MAML2: variants seen among roughly 807,000 people sequenced by gnomAD.
The protein encoded by MAML2 is mastermind like transcriptional coactivator 2.
MAML2 carries 22 observed loss-of-function variants against 96.1 expected under a neutral mutation model. The ratio of observed to expected loss-of-function variants is 0.23; its 90% CI spans 0.16 to 0.33. The LOEUF (loss-of-function observed/expected upper bound fraction) is 0.33. Ranked by LOEUF, MAML2 falls within the 10% of genes least tolerant of loss-of-function variation. The pLI is 1.00. For missense variants in MAML2, 1,367 were observed against 1,392.4 expected (o/e 0.98, Z 0.29); for synonymous variants, 561 against 521.3 (o/e 1.08, Z -1.04).
At chr11:96,014,591 T>C (rs1858314649) in intron 2 of MAML2, among the ~76,000 whole-genome samples, 1 of 152,218 alleles carries the variant, frequency 6.6e-6, no homozygotes, top group Admixed American at 6.5e-5. Context: ...CAATTCAACT[T>C]GTAGTAAAAA....
At chr11:96,315,692 A>T (rs1863621797) in intron 1 of MAML2, among the ~76,000 whole-genome samples, 1 of 152,188 alleles carries the variant, frequency 6.6e-6, no homozygotes, top group Non-Finnish European at 1.5e-5. Context: ...TGGTACCCAG[A>T]AGGCCCAACA....
At chr11:96,295,548 C>T (rs1011879765) in intron 1 of MAML2, among the ~76,000 whole-genome samples, 2 of 152,148 alleles carry the variant, frequency 1.3e-5, no homozygotes, top group African/African-American at 2.4e-5. Flanking sequence ...CCAAGACCCT[C>T]AGAAGGCTAT....
At chr11:96,035,056 G>C (rs1462672079) in intron 2 of MAML2, among the ~76,000 whole-genome samples, 1 of 152,164 alleles carries the variant, frequency 6.6e-6, no homozygotes, top group Non-Finnish European at 1.5e-5. Flanking sequence ...ATAATTACTG[G>C]GTAATATGGG....
At chr11:96,243,940 C>G (rs1377049205) in intron 1 of MAML2, among the ~76,000 whole-genome samples, 1 of 152,142 alleles carries the variant, frequency 6.6e-6, no homozygotes, top group Non-Finnish European at 1.5e-5. Flanking sequence ...CGCGCCCGGC[C>G]CAGTCATCCT....
chr11:96,092,750 C>T lies in MAML2; in HGVS notation c.1281G>A (p.Trp427Ter), dbSNP rs778085857. The change falls in exon 2 of 5, where the codon TGG becomes TGA. Residue 427 changes from tryptophan (W) to a stop codon, truncating the protein, a stop_gained. Transcript: ENST00000524717. LOFTEE classifies it high-confidence loss of function. The surrounding 1 kb of genome is among the most constrained non-coding windows in gnomAD (Gnocchi z 4.1). The stretch of plus-strand genomic sequence containing the variant: ...GCTGCTGGGCATGGGATACTTCCTG[C>T]CAGCTTGGCAAGGCCCGGCTTGCTC... Reference protein sequence around the residue: ...GSGASRALPSWQEVSHAQQLK... With the variant: ...GSGASRALPS 1 of 1,613,784 alleles carries T rather than the reference C, an allele frequency of 6.2e-7. No individual in the cohort carries two copies. The highest frequency in any genetic ancestry group is 1.1e-5 in the South Asian group (1 of 91,060).
intron 2 of MAML2, among the ~76,000 whole-genome samples, chr11:96,033,219 C>G (rs998315618): frequency 6.6e-6 from 1 of 152,186 alleles, no homozygotes; most frequent in African/African-American, 2.4e-5. Context: ...TGGCATTGCT[C>G]AACCTTATCT....
At chr11:96,274,309 C>G (rs1473324554) in intron 1 of MAML2, among the ~76,000 whole-genome samples, 2 of 152,032 alleles carry the variant, frequency 1.3e-5, no homozygotes, top group African/African-American at 4.8e-5. Context: ...GTCTCGATCT[C>G]CTGACCTTGT....
At chr11:96,006,054 G>T (rs1858173765) in intron 2 of MAML2, among the ~76,000 whole-genome samples, 1 of 152,104 alleles carries the variant, frequency 6.6e-6, no homozygotes, top group African/African-American at 2.4e-5. Context: ...TGACATGATT[G>T]CTTTTTTGAA....
chr11:96,050,333 T>C lies in MAML2; in HGVS notation c.2139+41559A>G, dbSNP rs550482271. Among the ~76,000 whole-genome samples the C allele has an allele frequency of 2.0e-5, 3 of 152,248 alleles. No homozygotes were observed. The East Asian group carries it at 5.8e-4, about 29-fold the overall frequency. ...ATCACTGGGCTTGACTCTTGGTTGT[T>C]GAAGGGAGGACACCGACTGGCAAAT... On this transcript the variant is annotated intron_variant, in intron 2 of 4. Transcript: ENST00000524717.
intron 1 of MAML2, among the ~76,000 whole-genome samples, chr11:96,306,721 GA>G (rs1172737654): frequency 1.3e-5 from 2 of 152,116 alleles, no homozygotes; most frequent in African/African-American, 4.8e-5. Context: ...CTTGGCCTGT[GA>G]ATTTTTTCTT....
intron 1 of MAML2, among the ~76,000 whole-genome samples, chr11:96,300,361 G>A (rs1004370709): frequency 2.0e-5 from 3 of 152,186 alleles, no homozygotes. Flanking sequence ...CCTGAATATA[G>A]CAGACAGCTA....
intron 1 of MAML2, among the ~76,000 whole-genome samples, chr11:96,311,600 C>G (rs1863542970): frequency 6.6e-6 from 1 of 152,180 alleles, no homozygotes; most frequent in African/African-American, 2.4e-5. Flanking sequence ...GTCCAAGCTC[C>G]AAGCTGAGGT....
chr11:96,065,358 G>A (rs1859228350), intron 2 of MAML2, among the ~76,000 whole-genome samples: 1 of 151,908 alleles, frequency 6.6e-6, no homozygotes, highest in South Asian at 2.1e-4. Context: ...TCCTGTGTCA[G>A]TCCTGGTATA....
chr11:96,164,171 C>T (rs752744936), intron 1 of MAML2, among the ~76,000 whole-genome samples: 11 of 152,218 alleles, frequency 7.2e-5, no homozygotes, highest in Non-Finnish European at 1.2e-4. Context: ...CCACCGTGCC[C>T]AGCCAATACT....
chr11:96,324,411 G>T (rs1394051449), intron 1 of MAML2, among the ~76,000 whole-genome samples: 1 of 152,120 alleles, frequency 6.6e-6, no homozygotes, highest in Admixed American at 6.6e-5. Context: ...GAACCAAAAG[G>T]ATGCCTTGAA....
chr11:96,219,626 C>G (rs982356622), intron 1 of MAML2, among the ~76,000 whole-genome samples: 2 of 151,928 alleles, frequency 1.3e-5, no homozygotes, highest in Non-Finnish European at 2.9e-5. Context: ...AGTCTCAGTT[C>G]ATTATTATTA....
At chr11:96,119,663 G>C (rs1262475851) in intron 1 of MAML2, among the ~76,000 whole-genome samples, 3 of 152,204 alleles carry the variant, frequency 2.0e-5, no homozygotes, top group Non-Finnish European at 4.4e-5. Flanking sequence ...GCTGGGTCTA[G>C]AACTCCTGTA....
intron 1 of MAML2, among the ~76,000 whole-genome samples, chr11:96,267,893 C>A (rs1357486301): frequency 6.6e-6 from 1 of 152,220 alleles, no homozygotes; most frequent in Admixed American, 6.5e-5. Context: ...ACTCAGCCCA[C>A]TTGCTATTTT....
intron 1 of MAML2, among the ~76,000 whole-genome samples, chr11:96,153,909 CTCAA>C (rs893383348): frequency 7.7e-5 from 9 of 116,900 alleles, no homozygotes; most frequent in Admixed American, 2.6e-4. Flanking sequence ...AAGACTCCGT[CTCAA>C]TAAATAAATA....
Sources: allele counts gnomAD v4.1 joint callset (sites outside exome capture counted in the v4.1 genomes callset), GRCh38; gene constraint gnomAD v4.1.1; non-coding constraint Gnocchi (gnomAD v3.1); transcripts MANE v1.5; gene names NCBI Gene and HGNC (gene_info 2026-07-23, HGNC 2026-07-21).